Variants in DDI2 observed in about 807,000 individuals in gnomAD.
DDI2 encodes the protein protein DDI1 homolog 2.
Under a neutral mutation model 48.1 loss-of-function variants are expected in DDI2, and 5 were observed. The ratio of observed to expected loss-of-function variants is 0.10; its 90% CI spans 0.05 to 0.22. The LOEUF (loss-of-function observed/expected upper bound fraction) is 0.22, where lower values mean the gene tolerates loss of function less well. Ranked by LOEUF, DDI2 falls within the 10% of genes least tolerant of loss-of-function variation. DDI2 has a pLI of 1.00. For missense variants in DDI2, 285 were observed against 506.2 expected (o/e 0.56, Z 4.19); for synonymous variants, 205 against 183.6 (o/e 1.12, Z -0.94).
intron 6 of DDI2, among the ~76,000 whole-genome samples, chr1:15,644,776 G>T (rs1640063359): frequency 6.6e-6 from 1 of 151,406 alleles, no homozygotes; most frequent in Non-Finnish European, 1.5e-5. Flanking sequence ...TGTATTTTTA[G>T]TAGAGACGGG....
At chr1:15,631,350 A>G (rs558918734) in intron 3 of DDI2, among the ~76,000 whole-genome samples, 25 of 151,758 alleles carry the variant, frequency 1.6e-4, no homozygotes, top group Admixed American at 1.6e-3. Context: ...TCTTGGGCTC[A>G]AGCAGTCTGC....
At chr1:15,631,812 T>G (rs957498160) in intron 3 of DDI2, among the ~76,000 whole-genome samples, 2 of 151,992 alleles carry the variant, frequency 1.3e-5, no homozygotes, top group African/African-American at 4.8e-5. Flanking sequence ...AGGCTTTGTT[T>G]TTTTTTTTCT....
Position 15,632,601 on chromosome 1 carries a change from T to C in DDI2, c.506-838T>C, listed in dbSNP as rs372908798. On this transcript the variant is annotated intron_variant, in intron 3 of 9. Coordinates refer to ENST00000480945, the MANE Select transcript of DDI2 (RefSeq NM_032341.5). ...ATCTTATAGCAAGCAGTGTTTTCTC[T>C]ACTAATTTTCCTGCCTATTAATTCA... Among the ~76,000 whole-genome samples, 36 of 152,314 alleles carry C rather than the reference T, an allele frequency of 2.4e-4. No homozygotes were observed. In the South Asian group the frequency reaches 7.0e-3, roughly 30 times the overall value.
intron 7 of DDI2, 141 bp from the exon 8 acceptor site, chr1:15,651,565 C>G: frequency 1.5e-6 from 1 of 671,972 alleles, no homozygotes; most frequent in Non-Finnish European, 2.3e-6. Flanking sequence ...GTGATCTGCC[C>G]TCCTCAGCCT....
rs942824906 is a variant in DDI2, at chr1:15,626,523, T to C, written c.139-146T>C. The C allele has an allele frequency of 7.1e-6, 8 of 1,128,216 alleles. No homozygotes were observed. The African/African-American group carries it at 1.1e-4, about 16-fold the overall frequency. The allele number at this position is 1,128,216 out of a possible 1,614,324, so 69.9% of individuals were successfully genotyped here. ...GGTCCTGCTAGGTGACGGGAAGGACTGTGGGTTTTGTTCTGGATGTGGTGG... is the reference window on the plus strand; with the variant it reads ...GGTCCTGCTAGGTGACGGGAAGGACCGTGGGTTTTGTTCTGGATGTGGTGG... On this transcript the variant is annotated intron_variant, in intron 1 of 9. Transcript: ENST00000480945.
chr1:15,644,578 GTTTTTTTTGTTTTTTTT>G (rs1315681456), intron 6 of DDI2, among the ~76,000 whole-genome samples: 3 of 110,144 alleles, frequency 2.7e-5, no homozygotes, highest in South Asian at 2.8e-4. Context: ...TTTCTTTTCA[GTTTTTTTTGTTTTTTTT>G]TTTTTTTTTT....
Position 15,633,547 on chromosome 1 carries a change from A to C in DDI2, c.614A>C (p.Lys205Thr). Residue 205 changes from lysine to threonine, a missense_variant, in exon 4 of 10, where the codon AAG becomes ACG. Physicochemically the swap from Lys to Thr is moderately conservative, Grantham distance 78 (BLOSUM62 -1). Coordinates refer to ENST00000480945, the MANE Select transcript of DDI2 (RefSeq NM_032341.5). Reference protein sequence around the residue: ...ADPFDLEAQAKIEEDIRQQNI... With the variant: ...ADPFDLEAQATIEEDIRQQNI... ...CCCTTTGACCTTGAAGCTCAGGCAA[A>C]GATAGAAGAAGATATAAGGTAAAGA... 1 of 1,613,082 alleles carries C rather than the reference A, an allele frequency of 6.2e-7. No individual in the cohort carries two copies. The highest frequency in any genetic ancestry group is 8.5e-7 in the Non-Finnish European group (1 of 1,179,296).
intron 5 of DDI2, among the ~76,000 whole-genome samples, chr1:15,639,108 C>A (rs1389951860): frequency 6.6e-6 from 1 of 152,118 alleles, no homozygotes; most frequent in Non-Finnish European, 1.5e-5. Flanking sequence ...GTAAGGCTAT[C>A]TGGGTATGGT....
rs191349230 is a variant in DDI2 at position 15,631,095 on chromosome 1, G to A, written c.505+534G>A. ...CCTGACCTCGTGATCCGCCTGCCTC[G>A]GCCTCCCAAAGTGCTGGGATTACAG... On this transcript the variant is annotated intron_variant, in intron 3 of 9. Transcript: ENST00000480945. Among the ~76,000 whole-genome samples, 127 of 152,146 alleles carry A rather than the reference G, an allele frequency of 8.3e-4. 1 individual carries two copies. The East Asian group carries it at 0.023, about 27-fold the overall frequency.
rs5772648 is a variant in DDI2 at position 15,667,218 on chromosome 1, A to AT, written c.*7437dup. The AT allele has an allele frequency of 0.29, 43,359 of 150,196 alleles. 6,988 individuals are homozygous for AT. Among genetic ancestry groups the AT allele is most frequent in the African/African-American group, 0.42 (17,172 of 40,684 alleles). The allele number at this position is 150,196 out of a possible 1,614,324, so 9.3% of individuals were successfully genotyped here. ...AGACACCGTCTCAAAAAAAAAAAAA[A>AT]TTTTTTTTTAAATGGAATCAGAGAA... On this transcript the variant is annotated 3_prime_UTR_variant, in exon 10 of 10. Coordinates refer to ENST00000480945, the MANE Select transcript of DDI2 (RefSeq NM_032341.5).
Position 15,664,295 on chromosome 1 carries a change from G to C in DDI2, c.*4505G>C, listed in dbSNP as rs1050913996. The C allele has an allele frequency of 6.6e-6, 1 of 152,054 alleles. No homozygotes were observed. Among genetic ancestry groups the C allele is most frequent in the Non-Finnish European group, 1.5e-5 (1 of 68,034 alleles). 9.4% of individuals were successfully genotyped at this position (152,054 alleles called of 1,614,324 possible). A position where few individuals can be genotyped will look rare whatever the true frequency, so the allele number is the denominator to read the frequency against. The stretch of plus-strand genomic sequence containing the variant: ...AAATACAAAAAATTAGCTGGGCATG[G>C]TGGCACACGCCTGTAATCCCAGCTA... On this transcript the variant is annotated 3_prime_UTR_variant, in exon 10 of 10. Transcript: ENST00000480945.
intron 5 of DDI2, among the ~76,000 whole-genome samples, chr1:15,640,518 CA>C (rs1200954141): frequency 1.3e-5 from 2 of 152,268 alleles, no homozygotes; most frequent in East Asian, 3.9e-4. Context: ...GTGCAAAAAT[CA>C]GGTGAATGTT....
chr1:15,654,694 A>C (rs973951667), intron 8 of DDI2, among the ~76,000 whole-genome samples: 2 of 151,564 alleles, frequency 1.3e-5, no homozygotes, highest in Non-Finnish European at 2.9e-5. Context: ...GACTCCCATC[A>C]CTTTTTGGCT....
At position 15,663,553 on chromosome 1, in the gene DDI2, G is replaced by A. The variant is rs1300949671; in HGVS notation, c.*3763G>A. On this transcript the variant is annotated 3_prime_UTR_variant, in exon 10 of 10. Coordinates refer to ENST00000480945, the MANE Select transcript of DDI2 (RefSeq NM_032341.5). ...AGGTCAGCCAGGTTGTCTTTAAGAT[G>A]TTCTTTTAGACAGCTGCACATTGTA... The A allele has an allele frequency of 6.6e-6, 1 of 152,172 alleles. No individual in the cohort carries two copies. Among genetic ancestry groups the A allele is most frequent in the Non-Finnish European group, 1.5e-5 (1 of 68,032 alleles). The allele number at this position is 152,172 out of a possible 1,614,324, so 9.4% of individuals were successfully genotyped here.
chr1:15,625,586 T>TTG (rs1265019185), intron 1 of DDI2, among the ~76,000 whole-genome samples: 1 of 152,138 alleles, frequency 6.6e-6, no homozygotes, highest in Non-Finnish European at 1.5e-5. Context: ...TTGTATTTAG[T>TTG]TGTTATTTTC....
intron 6 of DDI2, among the ~76,000 whole-genome samples, chr1:15,648,601 A>G (rs2103476131): frequency 6.6e-6 from 1 of 152,258 alleles, no homozygotes; most frequent in Non-Finnish European, 1.5e-5. Flanking sequence ...GTAGAAACAA[A>G]CCCATGATTC....
Position 15,623,304 on chromosome 1 carries a change from G to A in DDI2, c.139-3365G>A, listed in dbSNP as rs118127499. ...CAGCTAATTCACCAGGCCACTTTAG[G>A]GTTATGTTCGGGAAAGCTGTATATG... is the stretch of plus-strand genomic sequence containing the variant. On this transcript the variant is annotated intron_variant, in intron 1 of 9. Coordinates refer to ENST00000480945, the MANE Select transcript of DDI2 (RefSeq NM_032341.5). Among the ~76,000 whole-genome samples, 136 of 151,876 alleles carry A rather than the reference G, an allele frequency of 9.0e-4. 2 individuals are homozygous for A. The East Asian group carries it at 0.023, about 25-fold the overall frequency.
Position 15,651,801 on chromosome 1 carries a change from G to C in DDI2, c.1089G>C (p.Arg363=). ...LPEGELPECA[R]LAYGAGREDV... ...AGGGAGAGCTACCAGAGTGTGCCCG[G>C]TTGGCATATGGGGCTGGAAGAGAGG... The change falls in exon 8 of 10, where the codon CGG becomes CGC. Residue 363 remains arginine (R), a synonymous_variant. Coordinates refer to ENST00000480945, the MANE Select transcript of DDI2 (RefSeq NM_032341.5). 1 of 1,614,116 alleles carries C rather than the reference G, an allele frequency of 6.2e-7. No homozygotes were observed. The highest frequency in any genetic ancestry group is 1.1e-5 in the South Asian group (1 of 91,076).
intron 2 of DDI2, among the ~76,000 whole-genome samples, chr1:15,627,888 G>A (rs55764623): frequency 0.11 from 17,077 of 152,040 alleles, 1,402 homozygotes; most frequent in African/African-American, 0.22. Context: ...ATCAAGGACC[G>A]GCTCCACCAG....
Sources: gnomAD v4.1 joint callset for allele counts (sites outside exome capture counted in the v4.1 genomes callset) on GRCh38, gnomAD v4.1.1 for gene constraint, MANE v1.5 for transcripts, NCBI Gene and HGNC (gene_info 2026-07-23, HGNC 2026-07-21) for gene names.